NR2C2: variants seen among roughly 807,000 people sequenced by gnomAD.
The protein encoded by NR2C2 is nuclear receptor subfamily 2 group C member 2, also known as Nuclear hormone receptor TR4.
Under a neutral mutation model 62.9 loss-of-function variants are expected in NR2C2, and 6 were observed. The observed-to-expected ratio is 0.10, with a 90% CI of 0.05 to 0.19. The LOEUF (loss-of-function observed/expected upper bound fraction) is 0.19. NR2C2 is among the 10% of genes least tolerant of loss of function. The pLI is 1.00. For synonymous variants in NR2C2, 272 were observed against 273.8 expected (o/e 0.99, Z 0.07); for missense variants, 479 against 762.7 (o/e 0.63, Z 4.38).
chr3:14,961,662 A>T (rs1191133382), intron 1 of NR2C2, among the ~76,000 whole-genome samples: 2 of 152,150 alleles, frequency 1.3e-5, no homozygotes, highest in African/African-American at 4.8e-5. Flanking sequence ...CTGGTACTCA[A>T]ATGTCTTGAC....
intron 1 of NR2C2, among the ~76,000 whole-genome samples, chr3:14,999,050 C>T: frequency 6.6e-6 from 1 of 152,162 alleles, no homozygotes; most frequent in East Asian, 1.9e-4. Flanking sequence ...GGTGCAGTGG[C>T]TCACGCCTGT....
chr3:14,951,678 A>G (rs993565374), intron 1 of NR2C2, among the ~76,000 whole-genome samples: 5 of 152,036 alleles, frequency 3.3e-5, no homozygotes, highest in Admixed American at 1.3e-4. Flanking sequence ...TTGTTTCGTG[A>G]TCATTCTTTT....
intron 1 of NR2C2, among the ~76,000 whole-genome samples, chr3:14,961,366 C>T (rs954134490): frequency 1.3e-5 from 2 of 152,090 alleles, no homozygotes; most frequent in African/African-American, 4.8e-5. Context: ...AATTGTATTG[C>T]AAGATAATCC....
At chr3:14,964,467 T>A (rs762505961) in intron 1 of NR2C2, among the ~76,000 whole-genome samples, 64 of 151,872 alleles carry the variant, frequency 4.2e-4, no homozygotes, top group Non-Finnish European at 8.4e-4. Context: ...GTCATGCATT[T>A]GGTATGATTA....
At position 15,002,832 on chromosome 3, in the gene NR2C2, A is replaced by G. The variant is rs549450042; in HGVS notation, c.-39-1044A>G. Among the ~76,000 whole-genome samples, 26 of 143,226 alleles carry G rather than the reference A, an allele frequency of 1.8e-4. 1 individual carries two copies. The highest frequency in any genetic ancestry group is 1.4e-3 in the Admixed American group (20 of 14,422). 94.0% of individuals were successfully genotyped at this position (143,226 alleles called of 152,430 possible). On this transcript the variant is annotated intron_variant, in intron 1 of 13. Coordinates refer to ENST00000425241, the MANE Select transcript of NR2C2 (RefSeq NM_001291694.2). ...GGCCACCATGCCTGGCTAATTTTGT[A>G]TTTTTAGTAGAGACAGGGTTTTACC...
At chr3:14,977,220 C>T (rs2040232869) in intron 1 of NR2C2, among the ~76,000 whole-genome samples, 1 of 152,208 alleles carries the variant, frequency 6.6e-6, no homozygotes, top group African/African-American at 2.4e-5. Context: ...AATCTGTCTT[C>T]ATCACTGACT....
chr3:15,007,042 T>A (rs1173801748), intron 2 of NR2C2, among the ~76,000 whole-genome samples: 1 of 151,876 alleles, frequency 6.6e-6, no homozygotes, highest in Admixed American at 6.6e-5. Context: ...CCCAAAGTGC[T>A]GGGATTACAG....
chr3:15,038,257 G>T, intron 12 of NR2C2, 120 bp downstream of exon 12: 1 of 1,044,160 alleles, frequency 9.6e-7, no homozygotes, highest in Non-Finnish European at 1.3e-6. Context: ...GTGACCTAGT[G>T]TTCTTATGAT....
At chr3:15,008,217 T>G (rs1344553217) in intron 2 of NR2C2, among the ~76,000 whole-genome samples, 2 of 129,160 alleles carry the variant, frequency 1.5e-5, no homozygotes, top group Non-Finnish European at 1.7e-5. Context: ...TTTTTGTTTG[T>G]TTGTTTTTTT....
rs2042418201 is a variant in NR2C2 at position 15,045,514 on chromosome 3, CCT to C, written c.*2509_*2510del. The C allele has an allele frequency of 6.6e-6, 1 of 152,648 alleles. No individual in the cohort carries two copies. The highest frequency in any genetic ancestry group is 2.1e-4 in the South Asian group (1 of 4,836). 9.5% of individuals were successfully genotyped at this position (152,648 alleles called of 1,614,324 possible). A position where few individuals can be genotyped will look rare whatever the true frequency, so the allele number is the denominator to read the frequency against. On this transcript the variant is annotated 3_prime_UTR_variant, in exon 14 of 14. Coordinates refer to ENST00000425241, the MANE Select transcript of NR2C2 (RefSeq NM_001291694.2). ...CAGGGACTGTTTTGGGCTTTGAACA[CCT>C]CTTGGTTGGTTTCTGAGATCCTCTT... is the stretch of plus-strand genomic sequence containing the variant.
intron 1 of NR2C2, among the ~76,000 whole-genome samples, chr3:15,001,251 A>T (rs2040986434): frequency 1.4e-5 from 2 of 147,466 alleles, no homozygotes; most frequent in Non-Finnish European, 3.0e-5. Context: ...TGCTTCCTTA[A>T]TTTCATTTTC....
intron 1 of NR2C2, among the ~76,000 whole-genome samples, chr3:14,983,962 C>T (rs1461481109): frequency 1.3e-5 from 2 of 152,166 alleles, no homozygotes; most frequent in Non-Finnish European, 2.9e-5. Flanking sequence ...GATCTTGGCT[C>T]ACTGCAACCT....
intron 13 of NR2C2, among the ~76,000 whole-genome samples, chr3:15,040,177 A>C (rs970606872): frequency 1.7e-4 from 25 of 151,178 alleles, no homozygotes; most frequent in African/African-American, 5.6e-4. Flanking sequence ...AAAAAAAAAA[A>C]CAACAAAAAA....
intron 11 of NR2C2, among the ~76,000 whole-genome samples, chr3:15,036,465 A>G (rs187549654): frequency 5.9e-5 from 9 of 152,258 alleles, no homozygotes; most frequent in Admixed American, 5.9e-4. Flanking sequence ...CTACACTTGT[A>G]GCTGAAGTGG....
chr3:14,978,297 G>A (rs947589460), intron 1 of NR2C2, among the ~76,000 whole-genome samples: 19 of 152,102 alleles, frequency 1.2e-4, no homozygotes, highest in Admixed American at 7.9e-4. Flanking sequence ...TAGCTTAGTC[G>A]AACATACCTT....
intron 1 of NR2C2, among the ~76,000 whole-genome samples, chr3:14,992,778 A>G (rs967297327): frequency 6.6e-6 from 1 of 152,230 alleles, no homozygotes; most frequent in Non-Finnish European, 1.5e-5. Flanking sequence ...CCCTCTAAGT[A>G]TGAGTTTGGA....
At chr3:15,038,600 G>C (rs974758770) in intron 12 of NR2C2, 1 of 164,990 alleles carries the variant, frequency 6.1e-6, no homozygotes, top group East Asian at 1.7e-4. Context: ...CAGCAATCAC[G>C]ATGCCTGGGC....
At chr3:14,991,879 TCCGCCTCAGCCTCCTAA>T (rs2040682897) in intron 1 of NR2C2, among the ~76,000 whole-genome samples, 1 of 151,624 alleles carries the variant, frequency 6.6e-6, no homozygotes, top group Admixed American at 6.6e-5. Context: ...AAGTGCTCCT[TCCGCCTCAGCCTCCTAA>T]GCAGCTGGGA....
chr3:15,016,076 A>T (rs2041502618), intron 3 of NR2C2, 76 bp from the exon 4 acceptor site: 1 of 1,128,914 alleles, frequency 8.9e-7, no homozygotes, highest in African/African-American at 1.5e-5. Context: ...TGCTGGGATT[A>T]TAGACGTGAG....
Sources: allele counts gnomAD v4.1 joint callset (sites outside exome capture counted in the v4.1 genomes callset), GRCh38; gene constraint gnomAD v4.1.1; transcripts MANE v1.5; gene names NCBI Gene and HGNC (gene_info 2026-07-23, HGNC 2026-07-21).